SLC35D2: variants seen among roughly 807,000 people sequenced by gnomAD.
The protein encoded by SLC35D2 is nucleotide sugar transporter SLC35D2.
Under a neutral mutation model 41.8 loss-of-function variants are expected in SLC35D2, and 43 were observed. The ratio of observed to expected loss-of-function variants is 1.03; its 90% CI spans 0.81 to 1.33. SLC35D2 has a LOEUF of 1.33. SLC35D2 is among the 40% of genes most tolerant of loss of function. SLC35D2 has a pLI of 0.00. For missense variants in SLC35D2, 380 were observed against 408.4 expected (o/e 0.93, Z 0.60); for synonymous variants, 150 against 163.9 (o/e 0.92, Z 0.65).
chr9:96,324,244 T>C (rs1197400603), intron 9 of SLC35D2, 75 bp from the exon 10 acceptor site: 2 of 1,192,890 alleles, frequency 1.7e-6, no homozygotes, highest in Non-Finnish European at 2.5e-6. Context: ...AGGCCAGCAG[T>C]GACCCCCACA....
chr9:96,324,549 C>CTTTTTT (rs57775451), intron 9 of SLC35D2, among the ~76,000 whole-genome samples: 56 of 117,750 alleles, frequency 4.8e-4, no homozygotes, highest in Admixed American at 4.3e-3. Context: ...GCCTGCTGCA[C>CTTTTTT]TTTTTTTTTT....
intron 1 of SLC35D2, among the ~76,000 whole-genome samples, chr9:96,376,541 G>A (rs924247090): frequency 2.0e-5 from 3 of 152,278 alleles, no homozygotes; most frequent in South Asian, 2.1e-4. Context: ...CACGGGAGGT[G>A]GAGATTGCAG....
intron 1 of SLC35D2, among the ~76,000 whole-genome samples, chr9:96,368,868 G>A (rs866788720): frequency 6.6e-6 from 1 of 151,696 alleles, no homozygotes; most frequent in Non-Finnish European, 1.5e-5. Flanking sequence ...GGGTTCAAGC[G>A]ATTCTCCTGC....
At chr9:96,323,830 G>A (rs545468835) in intron 10 of SLC35D2, among the ~76,000 whole-genome samples, 2 of 152,122 alleles carry the variant, frequency 1.3e-5, no homozygotes, top group South Asian at 2.1e-4. Context: ...GGAGGCTGAG[G>A]CAGGAGAACC....
Position 96,322,005 on chromosome 9 carries a change from T to C in SLC35D2, c.907A>G (p.Asn303Asp). Residue 303 changes from asparagine to aspartate, a missense_variant, in exon 11 of 12, where the codon AAT becomes GAT. Coordinates refer to ENST00000253270, the MANE Select transcript of SLC35D2 (RefSeq NM_007001.3). Reference protein sequence around the residue: ...IFSLLNFVGLNICMAGGLRYS... With the variant: ...IFSLLNFVGLDICMAGGLRYS... ...TTAAAAATTCCCACTCACCAAATAT[T>C]TAACCCTACAAAGTTTAACAAAGAG... is the stretch of plus-strand genomic sequence containing the variant. 1.3e-6 allele frequency: 2 copies of C among 1,585,258 alleles called. No individual in the cohort carries two copies. Among genetic ancestry groups the C allele is most frequent in the Non-Finnish European group, 1.7e-6 (2 of 1,155,204 alleles).
At chr9:96,322,536 A>T (rs1264767648) in intron 10 of SLC35D2, among the ~76,000 whole-genome samples, 1 of 152,100 alleles carries the variant, frequency 6.6e-6, no homozygotes, top group Non-Finnish European at 1.5e-5. Context: ...TAAATAAATA[A>T]GCCATTACAT....
intron 6 of SLC35D2, among the ~76,000 whole-genome samples, chr9:96,350,068 C>T (rs910156077): frequency 6.6e-6 from 1 of 152,184 alleles, no homozygotes; most frequent in Non-Finnish European, 1.5e-5. Flanking sequence ...AGCAGTAAAA[C>T]TCAGCCCCTG....
intron 9 of SLC35D2, among the ~76,000 whole-genome samples, chr9:96,327,065 G>GC (rs1828569820): frequency 1.3e-5 from 2 of 152,202 alleles, no homozygotes; most frequent in Admixed American, 1.3e-4. Context: ...CGGGAGCACA[G>GC]CACAGGGCCC....
chr9:96,324,157 C>T lies in SLC35D2; in HGVS notation c.765G>A (p.Met255Ile). Residue 255 changes from methionine (M) to isoleucine (I), a missense_variant, in exon 10 of 12, where the codon ATG becomes ATA. Physicochemically the swap from Met to Ile is conservative, Grantham distance 10. Coordinates refer to ENST00000253270, the MANE Select transcript of SLC35D2 (RefSeq NM_007001.3). ...AATAGCTGCACAGAACCGTGGAGTA[C>T]ATCAGCAGAAACCTGTGACAAGGAA... The part of the protein sequence containing the change: ...LLSCFLGFLL[M>I]YSTVLCSYYN... The T allele has an allele frequency of 6.2e-7, 1 of 1,613,816 alleles. No individual in the cohort carries two copies. The highest frequency in any genetic ancestry group is 8.5e-7 in the Non-Finnish European group (1 of 1,179,776).
At chr9:96,325,354 A>G (rs1828473067) in intron 9 of SLC35D2, among the ~76,000 whole-genome samples, 2 of 152,212 alleles carry the variant, frequency 1.3e-5, no homozygotes, top group Non-Finnish European at 2.9e-5. Flanking sequence ...GGATGGTACA[A>G]GGAGAGTACA....
chr9:96,360,105 G>A, intron 4 of SLC35D2, 49 bp downstream of exon 4: 1 of 1,365,378 alleles, frequency 7.3e-7, no homozygotes, highest in Non-Finnish European at 1.0e-6. Context: ...TGTACCACTG[G>A]CAGCACAGAG....
intron 1 of SLC35D2, among the ~76,000 whole-genome samples, chr9:96,375,930 G>A (rs1245681951): frequency 1.3e-5 from 2 of 151,812 alleles, no homozygotes; most frequent in African/African-American, 2.4e-5. Flanking sequence ...GGAGGCCGAG[G>A]CAGGTGGATC....
At chr9:96,383,378 CT>C in intron 1 of SLC35D2, 98 bp downstream of exon 1, 1 of 925,130 alleles carries the variant, frequency 1.1e-6, no homozygotes, top group Non-Finnish European at 1.5e-6. Context: ...TCGAGGGTCC[CT>C]GTCCCCACCC....
At position 96,356,461 on chromosome 9, in the gene SLC35D2, TCAAA is replaced by T. The variant is rs1830030745; in HGVS notation, c.347+3689_347+3692del. 1.1e-4 allele frequency among the ~76,000 whole-genome samples: 15 copies of T among 132,754 alleles called. 1 individual carries two copies. The South Asian group carries it at 3.5e-3, about 31-fold the overall frequency. The allele number at this position is 132,754 out of a possible 152,430, so 87.1% of individuals were successfully genotyped here. On this transcript the variant is annotated intron_variant, in intron 4 of 11. Coordinates refer to ENST00000253270, the MANE Select transcript of SLC35D2 (RefSeq NM_007001.3). ...AAGGAAATGCAAGAGAATTAAAAAATCAAAACTATCTTGAAAAAGAAGAACAAAG... is the reference window on the plus strand; with the variant it reads ...AAGGAAATGCAAGAGAATTAAAAAATACTATCTTGAAAAAGAAGAACAAAG...
rs370936127 is a variant in SLC35D2, at chr9:96,321,198, C to T, written c.*44G>A. ...CACATTCCTACTGGGAATGCCCCCC[C>T]AGCCCGCAGTCACAAGTCAGTCTCC... On this transcript the variant is annotated 3_prime_UTR_variant, in exon 12 of 12. Transcript: ENST00000253270. The T allele has an allele frequency of 6.2e-6, 9 of 1,449,142 alleles. No homozygotes were observed. The highest frequency in any genetic ancestry group is 5.6e-5 in the African/African-American group (4 of 71,510). The allele number at this position is 1,449,142 out of a possible 1,614,324, so 89.8% of individuals were successfully genotyped here.
rs1419067803 is a variant in SLC35D2, at chr9:96,359,701, C to T, written c.347+453G>A. 2.0e-5 allele frequency among the ~76,000 whole-genome samples: 3 copies of T among 151,764 alleles called. No individual in the cohort carries two copies. In the South Asian group the frequency reaches 6.3e-4, roughly 32 times the overall value. Reference sequence around the variant, plus strand: ...GACTCTGTCTCAAAAAAAAAAAAGACCCTGAAATAAATGCAGATGCAAATT... The same window carrying T: ...GACTCTGTCTCAAAAAAAAAAAAGATCCTGAAATAAATGCAGATGCAAATT... On this transcript the variant is annotated intron_variant, in intron 4 of 11. Transcript: ENST00000253270.
At chr9:96,382,730 CAT>C (rs1831258577) in intron 1 of SLC35D2, among the ~76,000 whole-genome samples, 1 of 152,084 alleles carries the variant, frequency 6.6e-6, no homozygotes, top group Non-Finnish European at 1.5e-5. Flanking sequence ...ATTCTTGTAA[CAT>C]AGTAGAGTTT....
chr9:96,316,995 G>A (rs1035619615), downstream of SLC35D2, among the ~76,000 whole-genome samples: 13 of 152,022 alleles, frequency 8.6e-5, no homozygotes, highest in South Asian at 2.1e-4. Context: ...AAAACTAGCC[G>A]GGTGTAGTGG....
intron 9 of SLC35D2, among the ~76,000 whole-genome samples, chr9:96,326,446 A>G (rs1828530438): frequency 6.6e-6 from 1 of 152,240 alleles, no homozygotes; most frequent in Non-Finnish European, 1.5e-5. Flanking sequence ...CTTTTATAGA[A>G]AAATTGTTAG....
Sources: allele counts gnomAD v4.1 joint callset (sites outside exome capture counted in the v4.1 genomes callset), GRCh38; gene constraint gnomAD v4.1.1; transcripts MANE v1.5; gene names NCBI Gene and HGNC (gene_info 2026-07-23, HGNC 2026-07-21).